TASOR: variants seen among roughly 807,000 people sequenced by gnomAD.
TASOR encodes transcription activation suppressor.
TASOR carries 53 observed loss-of-function variants against 178.6 expected under a neutral mutation model. The ratio of observed to expected loss-of-function variants is 0.30; its 90% CI spans 0.24 to 0.37. The LOEUF is 0.37. Among genes scored for constraint, TASOR ranks in the 10% least tolerant of loss-of-function variants. The probability of loss-of-function intolerance (pLI) is 1.00; values close to 1 mark genes in which losing one functional copy is unlikely to be tolerated. For missense variants in TASOR, 1,815 were observed against 1,971.4 expected (o/e 0.92, Z 1.50); for synonymous variants, 713 against 696.2 (o/e 1.02, Z -0.38).
In TASOR at chr3:56,660,023, C is replaced by A. The variant is rs554388818; in HGVS notation, c.1368+708G>T. ...CCCAGTAGCTGAGATTACACCACAC[C>A]AAGCTAATTTTATATTTTTAGTAGA... On this transcript the variant is annotated intron_variant, in intron 11 of 23. Transcript: ENST00000683822. Among the ~76,000 whole-genome samples, 4 of 151,938 alleles carry A rather than the reference C, an allele frequency of 2.6e-5. No homozygotes were observed. In the South Asian group the frequency reaches 8.3e-4, roughly 32 times the overall value.
At chr3:56,661,112 A>G in intron 9 of TASOR, 95 bp from the exon 10 acceptor site, 1 of 725,240 alleles carries the variant, frequency 1.4e-6, no homozygotes, top group Admixed American at 2.7e-5. Flanking sequence ...GATGGAAAAT[A>G]GAAGAGCATA....
At chr3:56,662,882 A>G (rs1000537685) in intron 8 of TASOR, among the ~76,000 whole-genome samples, 19 of 152,164 alleles carry the variant, frequency 1.2e-4, no homozygotes, top group African/African-American at 3.9e-4. Flanking sequence ...TTCATTATAA[A>G]GAAACTTTAA....
intron 8 of TASOR, 56 bp downstream of exon 8, chr3:56,663,485 T>G (rs1284387220): frequency 2.2e-6 from 2 of 921,358 alleles, no homozygotes; most frequent in African/African-American, 1.7e-5. Context: ...CTTAATCTTT[T>G]GCTATATGTA....
chr3:56,663,041 G>A (rs2077631742), intron 8 of TASOR, among the ~76,000 whole-genome samples: 1 of 152,024 alleles, frequency 6.6e-6, no homozygotes, highest in Non-Finnish European at 1.5e-5. Flanking sequence ...TTAGCCGGGT[G>A]TGGTGGTGGG....
rs11300845 is a variant in TASOR at position 56,670,940 on chromosome 3, C to CAAAA, written c.570+656_570+659dup. Among the ~76,000 whole-genome samples, 427 of 54,178 alleles carry CAAAA rather than the reference C, an allele frequency of 7.9e-3. 19 individuals are homozygous for CAAAA. The highest frequency in any genetic ancestry group is 0.029 in the African/African-American group (399 of 13,566). The allele number at this position is 54,178 out of a possible 152,430, so 35.5% of individuals were successfully genotyped here. On this transcript the variant is annotated intron_variant, in intron 3 of 23. Transcript: ENST00000683822. ...TGAGCAACAGAGTGAGACTCCATCT[C>CAAAA]AAAAAAAAAAAAAAAAAAAAAAGGA...
At chr3:56,661,358 G>A (rs760976488) in intron 9 of TASOR, among the ~76,000 whole-genome samples, 6 of 152,028 alleles carry the variant, frequency 3.9e-5, no homozygotes, top group Non-Finnish European at 7.4e-5. Context: ...GTCTCCTTAC[G>A]TTGCTCAGGC....
Position 56,648,979 on chromosome 3 carries a change from AC to A in TASOR, c.1441+5del. 6.2e-7 allele frequency: 1 copy of A among 1,605,554 alleles called. No individual in the cohort carries two copies. The highest frequency in any genetic ancestry group is 8.5e-7 in the Non-Finnish European group (1 of 1,176,840). The stretch of plus-strand genomic sequence containing the variant: ...TGTAAAAATTTATTAAAGAGAGACC[AC>A]CTACCATATGGAGGAACCATCTGAT... On this transcript the variant is annotated splice_donor_5th_base_variant and intron_variant, in intron 12 of 23. Transcript: ENST00000683822.
intron 1 of TASOR, among the ~76,000 whole-genome samples, chr3:56,675,237 C>T (rs1259328040): frequency 4.0e-5 from 6 of 151,254 alleles, no homozygotes; most frequent in Non-Finnish European, 7.4e-5. Context: ...TGCAGTGGCA[C>T]GATTTTGGTT....
Position 56,649,069 on chromosome 3 carries a change from G to C in TASOR, c.1369-12C>G. 6.3e-7 allele frequency: 1 copy of C among 1,588,586 alleles called. No individual in the cohort carries two copies. The highest frequency in any genetic ancestry group is 8.6e-7 in the Non-Finnish European group (1 of 1,168,792). On this transcript the variant is annotated splice_polypyrimidine_tract_variant and intron_variant, in intron 11 of 23. Transcript: ENST00000683822. ...GGTTTAACAAGAACCTGTATTTTGA[G>C]GGGAAGGAAGAAGTTGTATCTGCTT...
At position 56,620,816 on chromosome 3, in the gene TASOR, CTTCTGTTAGCATCTAAGGTAAGG is replaced by C. The variant is rs2076388504; in HGVS notation, c.*2198_*2220del. 6.6e-6 allele frequency: 1 copy of C among 152,214 alleles called. No individual in the cohort carries two copies. The highest frequency in any genetic ancestry group is 2.1e-4 in the South Asian group (1 of 4,830). The allele number at this position is 152,214 out of a possible 1,614,324, so 9.4% of individuals were successfully genotyped here. A position where few individuals can be genotyped will look rare whatever the true frequency, so the allele number is the denominator to read the frequency against. ...CACCCAGTGTTATTTCAGCAGGACC[CTTCTGTTAGCATCTAAGGTAAGG>C]TTAGGACAGTCAAGATAAAATACTG... is the stretch of plus-strand genomic sequence containing the variant. On this transcript the variant is annotated 3_prime_UTR_variant, in exon 24 of 24. Transcript: ENST00000683822.
chr3:56,640,469 G>C (rs1020141585), intron 15 of TASOR, among the ~76,000 whole-genome samples: 1 of 151,974 alleles, frequency 6.6e-6, no homozygotes, highest in Non-Finnish European at 1.5e-5. Flanking sequence ...TATAAAAATG[G>C]GTAGTGTGCT....
At chr3:56,651,268 TA>T (rs11326574) in intron 11 of TASOR, among the ~76,000 whole-genome samples, 14,979 of 144,362 alleles carry the variant, frequency 0.1, 1,340 homozygotes, top group African/African-American at 0.25. Context: ...TGGTTATTCT[TA>T]AAAAAAAAAA....
rs773348027 is a variant in TASOR, at chr3:56,627,738, G to C, written c.3874C>G (p.Pro1292Ala). 1 of 1,612,966 alleles carries C rather than the reference G, an allele frequency of 6.2e-7. No individual in the cohort carries two copies. Among genetic ancestry groups the C allele is most frequent in the East Asian group, 2.2e-5 (1 of 44,852 alleles). Residue 1292 changes from proline to alanine, a missense_variant, in exon 20 of 24, where the codon CCT (proline) becomes GCT (alanine). Coordinates refer to ENST00000683822, the MANE Select transcript of TASOR (RefSeq NM_001365635.2). Reference protein sequence around the residue: ...EDIAGFIHKIPGLVTLKKLPC... With the variant: ...EDIAGFIHKIAGLVTLKKLPC... Reference sequence around the variant, plus strand: ...AGCTTCTTTAAAGTCACCAAGCCAGGTATCTGTTTAAATCCCAAAACAAAA... The same window carrying C: ...AGCTTCTTTAAAGTCACCAAGCCAGCTATCTGTTTAAATCCCAAAACAAAA...
intron 3 of TASOR, among the ~76,000 whole-genome samples, chr3:56,670,549 T>C (rs2030572289): frequency 6.6e-6 from 1 of 152,138 alleles, no homozygotes. Flanking sequence ...ACAGATACTC[T>C]TAACTCCTGC....
chr3:56,682,695 C>G lies in TASOR; in HGVS notation c.312G>C (p.Arg104Ser). The G allele has an allele frequency of 6.8e-7, 1 of 1,478,884 alleles. No individual in the cohort carries two copies. Among genetic ancestry groups the G allele is most frequent in the Non-Finnish European group, 9.0e-7 (1 of 1,112,126 alleles). The allele number at this position is 1,478,884 out of a possible 1,614,324, so 91.6% of individuals were successfully genotyped here. ...RPVRRSFQIP[R>S]KSREKKALFQ... ...CACCACCTTTCTTTTCTCTGCTCTT[C>G]CTGGGGATCTGAAAACTCCTCCTAA... Residue 104 changes from arginine to serine, a missense_variant, in exon 1 of 24, where the codon AGG (arginine) becomes AGC (serine). Coordinates refer to ENST00000683822, the MANE Select transcript of TASOR (RefSeq NM_001365635.2).
At chr3:56,624,692 C>CA (rs1559811189) in intron 22 of TASOR, 49 bp from the exon 23 acceptor site, 1 of 1,570,984 alleles carries the variant, frequency 6.4e-7, no homozygotes, top group Non-Finnish European at 8.7e-7. Context: ...AAAATATAGA[C>CA]AGCCCCTAGC....
At chr3:56,631,549 CAGAA>C (rs1442467764) in intron 18 of TASOR, among the ~76,000 whole-genome samples, 3 of 150,288 alleles carry the variant, frequency 2.0e-5, no homozygotes, top group Admixed American at 6.6e-5. Context: ...TACAGACACA[CAGAA>C]AGGCGTGTGT....
intron 1 of TASOR, among the ~76,000 whole-genome samples, chr3:56,678,177 ATTTT>A (rs533306611): frequency 0.016 from 1,709 of 106,948 alleles, 32 homozygotes; most frequent in South Asian, 0.067. Flanking sequence ...CACACTTATG[ATTTT>A]TTTTTTTTTT....
At position 56,633,525 on chromosome 3, in the gene TASOR, A is replaced by G; in HGVS notation, c.3266T>C (p.Ile1089Thr). ...DGLHEKLNTI[I>T]IKASAKGGNL... ...CCCACCCTTGGCTGATGCTTTAATA[A>G]TAATAGTATTTAGCTTCTCATGCAA... is the stretch of plus-strand genomic sequence containing the variant. The change falls in exon 18 of 24, where the codon ATT becomes ACT. Residue 1089 changes from isoleucine to threonine, a missense_variant. Ile to Thr is a moderately conservative substitution (Grantham distance 89). Around this residue, in one of 5 missense-constraint regions of TASOR, gnomAD observed 655 missense variants for 671.1 expected, o/e 0.98. Coordinates refer to ENST00000683822, the MANE Select transcript of TASOR (RefSeq NM_001365635.2). 1 of 1,614,172 alleles carries G rather than the reference A, an allele frequency of 6.2e-7. No homozygotes were observed. Among genetic ancestry groups the G allele is most frequent in the Middle Eastern group, 1.6e-4 (1 of 6,062 alleles).
Sources: allele counts gnomAD v4.1 joint callset (sites outside exome capture counted in the v4.1 genomes callset), GRCh38; gene constraint gnomAD v4.1.1; regional missense constraint gnomAD v4.1.1; transcripts MANE v1.5; gene names NCBI Gene and HGNC (gene_info 2026-07-23, HGNC 2026-07-21).